Variants in SGCD observed in about 807,000 individuals in gnomAD.
The protein encoded by SGCD is sarcoglycan delta, also known as delta-sarcoglycan.
A neutral mutation model predicts 36.6 loss-of-function variants in SGCD; 18 were observed. That is an observed-to-expected ratio of 0.49 (90% CI 0.34 to 0.73). The LOEUF is 0.73. SGCD is among the 30% of genes least tolerant of loss of function. SGCD has a pLI of 0.01. For missense variants in SGCD, 387 were observed against 346.7 expected, an observed-to-expected ratio of 1.12 and a Z score of -0.92; for synonymous variants, 133 against 130.6, an observed-to-expected ratio of 1.02 and a Z score of -0.12.
At position 156,722,017 on chromosome 5, in the gene SGCD, G is replaced by A. The variant is rs539968677; in HGVS notation, c.576-35564G>A. Among the ~76,000 whole-genome samples, 20 of 152,248 alleles carry A rather than the reference G, an allele frequency of 1.3e-4. No individual in the cohort carries two copies. In the South Asian group the frequency reaches 2.3e-3, roughly 17 times the overall value. On this transcript the variant is annotated intron_variant, in intron 7 of 8. Coordinates refer to ENST00000337851, the MANE Select transcript of SGCD (RefSeq NM_000337.6). ...TGGCAACTGAAAAGCATGATCAGTC[G>A]CAGAAATAATGATTATTTCTTGAAT...
the SGCD span, among the ~76,000 whole-genome samples, chr5:155,803,976 G>T: frequency 2.0e-5 from 3 of 152,178 alleles, no homozygotes; most frequent in South Asian, 6.2e-4. Flanking sequence ...ATCTGAAATA[G>T]AAAGGATTAT....
At chr5:156,078,561 TTATATA>T (rs1023651923) in intron 1 of SGCD, among the ~76,000 whole-genome samples, 1 of 118,308 alleles carries the variant, frequency 8.5e-6, no homozygotes, top group Admixed American at 8.9e-5. Flanking sequence ...ATATTTATAT[TTATATA>T]TATATTTATA....
chr5:156,555,520 G>A (rs1020726341), intron 4 of SGCD, among the ~76,000 whole-genome samples: 2 of 152,040 alleles, frequency 1.3e-5, no homozygotes, highest in Admixed American at 6.6e-5. Flanking sequence ...GTTGCAAATC[G>A]ACTGACCATA....
chr5:156,551,444 C>A (rs559642068), intron 4 of SGCD, among the ~76,000 whole-genome samples: 1 of 152,136 alleles, frequency 6.6e-6, no homozygotes, highest in Non-Finnish European at 1.5e-5. Flanking sequence ...CTCACAATCA[C>A]GATCCAGTAC....
chr5:156,125,598 CT>C (rs892319368), intron 3 of SGCD, among the ~76,000 whole-genome samples: 1 of 151,564 alleles, frequency 6.6e-6, no homozygotes, highest in African/African-American at 2.4e-5. Flanking sequence ...ATAACTTTGT[CT>C]TTTTTTTACA....
chr5:155,794,010 C>T, the SGCD span, among the ~76,000 whole-genome samples: 1 of 148,654 alleles, frequency 6.7e-6, no homozygotes, highest in African/African-American at 2.5e-5. Context: ...GTCTAAATAC[C>T]TGGGAGGGAG....
At chr5:156,546,229 A>T (rs539773235) in intron 4 of SGCD, among the ~76,000 whole-genome samples, 1 of 152,350 alleles carries the variant, frequency 6.6e-6, no homozygotes, top group South Asian at 2.1e-4. Flanking sequence ...CTTTTGGAAA[A>T]TTCAGGATTA....
intron 3 of SGCD, among the ~76,000 whole-genome samples, chr5:156,127,204 A>G (rs1762193497): frequency 6.6e-6 from 1 of 152,228 alleles, no homozygotes. Flanking sequence ...AAAAATCATA[A>G]GCAAAGTTAA....
At chr5:156,711,929 T>C (rs1036909618) in intron 7 of SGCD, among the ~76,000 whole-genome samples, 7 of 152,204 alleles carry the variant, frequency 4.6e-5, no homozygotes, top group Non-Finnish European at 8.8e-5. Context: ...GATCATATGC[T>C]TAACAAGGGG....
At chr5:156,757,139 A>G (rs1757364889) in intron 7 of SGCD, among the ~76,000 whole-genome samples, 1 of 151,924 alleles carries the variant, frequency 6.6e-6, no homozygotes, top group Admixed American at 6.6e-5. Context: ...TCAGACTCCT[A>G]GACCCATTTT....
intron 4 of SGCD, among the ~76,000 whole-genome samples, chr5:156,577,695 A>T (rs144581506): frequency 0.014 from 2,088 of 152,198 alleles, 21 homozygotes; most frequent in Non-Finnish European, 0.021. Context: ...ATGGGAGTTC[A>T]CTCATGATTT....
chr5:155,762,670 C>T, the SGCD span, among the ~76,000 whole-genome samples: 5 of 152,136 alleles, frequency 3.3e-5, no homozygotes, highest in African/African-American at 1.2e-4. Context: ...AGCAGCTGGA[C>T]CAGCTGGGAC....
At chr5:156,680,457 A>G (rs1753677169) in intron 7 of SGCD, among the ~76,000 whole-genome samples, 1 of 152,104 alleles carries the variant, frequency 6.6e-6, no homozygotes, top group Non-Finnish European at 1.5e-5. Context: ...AGGTCTTCCC[A>G]TTTGCAAAAT....
At chr5:156,263,033 A>G (rs1042080176) in intron 3 of SGCD, among the ~76,000 whole-genome samples, 1 of 151,794 alleles carries the variant, frequency 6.6e-6, no homozygotes, top group Admixed American at 6.6e-5. Context: ...TATTTTTGCA[A>G]TTGTGAATTG....
chr5:156,201,457 A>G (rs546071341), intron 3 of SGCD, among the ~76,000 whole-genome samples: 4 of 152,314 alleles, frequency 2.6e-5, no homozygotes, highest in Admixed American at 2.0e-4. Context: ...CAAAGCTGCC[A>G]TCATAACACA....
chr5:156,435,841 C>G (rs185354001), intron 3 of SGCD, among the ~76,000 whole-genome samples: 1 of 152,264 alleles, frequency 6.6e-6, no homozygotes, highest in African/African-American at 2.4e-5. Flanking sequence ...GTAAAATTCT[C>G]TCTGGATTGG....
At chr5:155,890,638 TGATAGATAGATAGATA>T (rs34093451) in intron 1 of SGCD, among the ~76,000 whole-genome samples, 3 of 143,438 alleles carry the variant, frequency 2.1e-5, no homozygotes, top group South Asian at 2.3e-4. Context: ...GATAGACAGA[TGATAGATAGATAGATA>T]GATAGATAGA....
At chr5:156,118,059 T>G (rs976953579) in intron 2 of SGCD, 4 of 152,110 alleles carry the variant, frequency 2.6e-5, no homozygotes, top group African/African-American at 9.7e-5. Context: ...CCCTGGTAAT[T>G]TAATCACCCA....
chr5:155,843,141 A>G, the SGCD span, among the ~76,000 whole-genome samples: 4 of 152,242 alleles, frequency 2.6e-5, no homozygotes, highest in African/African-American at 9.6e-5. Flanking sequence ...CGTGAGGATT[A>G]TGTTAGAAAG....
Sources: gnomAD v4.1 joint callset for allele counts (sites outside exome capture counted in the v4.1 genomes callset) on GRCh38, gnomAD v4.1.1 for gene constraint, MANE v1.5 for transcripts, NCBI Gene and HGNC (gene_info 2026-07-23, HGNC 2026-07-21) for gene names.